The following NDUFV2 variants were observed in gnomAD, a reference collection of about 807,000 sequenced individuals.
NDUFV2 encodes NADH:ubiquinone oxidoreductase core subunit V2.
In NDUFV2, 18 loss-of-function variants were observed where a neutral mutation model predicts 31.6. The observed-to-expected ratio is 0.57, with a 90% CI of 0.39 to 0.84. The LOEUF is 0.84. Ranked by LOEUF, NDUFV2 falls within the 40% of genes least tolerant of loss-of-function variation. The pLI, the probability that NDUFV2 is intolerant of heterozygous loss-of-function variation, is 0.00. For missense variants in NDUFV2, 314 were observed against 303.6 expected (o/e 1.03, Z -0.26); for synonymous variants, 83 against 99.8 (o/e 0.83, Z 1.01).
intron 1 of NDUFV2, among the ~76,000 whole-genome samples, chr18:9,114,752 T>G (rs2077889705): frequency 6.6e-6 from 1 of 152,210 alleles, no homozygotes; most frequent in Non-Finnish European, 1.5e-5. Flanking sequence ...CTGACCCTTC[T>G]CAATCAGTAG....
intron 1 of NDUFV2, among the ~76,000 whole-genome samples, chr18:9,106,617 G>A (rs958079284): frequency 9.9e-5 from 15 of 152,252 alleles, no homozygotes; most frequent in African/African-American, 3.6e-4. Flanking sequence ...AGAAGTTAAT[G>A]TAGGAAAAAC....
intron 7 of NDUFV2, chr18:9,133,261 C>A (rs940417430): frequency 1.3e-5 from 2 of 152,230 alleles, no homozygotes; most frequent in African/African-American, 4.8e-5. Flanking sequence ...CAAGTTCTTT[C>A]TTTAGGTAAA....
chr18:9,128,833 C>T (rs2078014904), intron 7 of NDUFV2, among the ~76,000 whole-genome samples: 1 of 152,182 alleles, frequency 6.6e-6, no homozygotes, highest in Non-Finnish European at 1.5e-5. Context: ...ATCTCAAGTG[C>T]AGATTTCCTT....
chr18:9,120,479 T>C (rs935867629), intron 4 of NDUFV2, among the ~76,000 whole-genome samples: 4 of 152,208 alleles, frequency 2.6e-5, no homozygotes, highest in Non-Finnish European at 5.9e-5. Flanking sequence ...CTTGACTGAC[T>C]ATAACAGAGA....
chr18:9,124,549 C>T (rs1346581331), intron 5 of NDUFV2, among the ~76,000 whole-genome samples: 1 of 150,702 alleles, frequency 6.6e-6, no homozygotes, highest in East Asian at 2.0e-4. Flanking sequence ...CCTGGGTTCA[C>T]GCCACTCTCC....
chr18:9,124,999 A>G lies in NDUFV2; in HGVS notation c.579+16A>G, dbSNP rs746476565. On this transcript the variant is annotated intron_variant, in intron 6 of 7. Coordinates refer to ENST00000318388, the MANE Select transcript of NDUFV2 (RefSeq NM_021074.5). ...CAATTACTATGTGAGTATTTCAGGT[A>G]ATACAAGTTAAAGTTGTATGATGTC... 5.3e-5 allele frequency: 85 copies of G among 1,611,256 alleles called. No homozygotes were observed. The highest frequency in any genetic ancestry group is 7.0e-5 in the Non-Finnish European group (82 of 1,177,998).
intron 7 of NDUFV2, chr18:9,132,478 T>G (rs540917847): frequency 6.6e-6 from 1 of 152,354 alleles, no homozygotes; most frequent in African/African-American, 2.4e-5. Flanking sequence ...AAGAGGTAGC[T>G]GAGCTTAAAC....
At chr18:9,133,709 T>C (rs2078060238) in intron 7 of NDUFV2, among the ~76,000 whole-genome samples, 2 of 152,226 alleles carry the variant, frequency 1.3e-5, no homozygotes. Flanking sequence ...TGGATCTTGA[T>C]CTAAATAAAA....
At chr18:9,122,407 T>C in intron 4 of NDUFV2, 106 bp from the exon 5 acceptor site, 1 of 1,096,722 alleles carries the variant, frequency 9.1e-7, no homozygotes, top group Non-Finnish European at 1.4e-6. Context: ...AACTTTTCTG[T>C]TTTTACCAAA....
At chr18:9,133,473 G>C (rs953009647) in intron 7 of NDUFV2, 1 of 152,254 alleles carries the variant, frequency 6.6e-6, no homozygotes, top group Non-Finnish European at 1.5e-5. Flanking sequence ...ATCAGGACTT[G>C]TTCTTGTTTG....
intron 1 of NDUFV2, among the ~76,000 whole-genome samples, chr18:9,116,901 G>T (rs1383843544): frequency 2.6e-5 from 4 of 152,132 alleles, no homozygotes; most frequent in Non-Finnish European, 5.9e-5. Flanking sequence ...CTTGGGGGCG[G>T]GGGACAGGGT....
At chr18:9,128,956 G>A (rs1288589022) in intron 7 of NDUFV2, among the ~76,000 whole-genome samples, 4 of 152,004 alleles carry the variant, frequency 2.6e-5, no homozygotes, top group Admixed American at 6.6e-5. Context: ...CCCCTCACCC[G>A]AGATGGAGTC....
intron 7 of NDUFV2, among the ~76,000 whole-genome samples, chr18:9,132,735 C>T (rs2078050821): frequency 6.6e-6 from 1 of 152,116 alleles, no homozygotes; most frequent in South Asian, 2.1e-4. Context: ...ATTAGCCAGG[C>T]ATGGTGACGC....
intron 1 of NDUFV2, among the ~76,000 whole-genome samples, chr18:9,109,488 GAAC>G (rs1163847634): frequency 1.3e-5 from 2 of 152,134 alleles, no homozygotes; most frequent in African/African-American, 2.4e-5. Context: ...AGTATTGTTT[GAAC>G]AACAGAAGAA....
At chr18:9,131,158 TAATG>T (rs2078037237) in intron 7 of NDUFV2, among the ~76,000 whole-genome samples, 1 of 152,208 alleles carries the variant, frequency 6.6e-6, no homozygotes, top group African/African-American at 2.4e-5. Flanking sequence ...ATTAAAATCA[TAATG>T]AAAATATATT....
chr18:9,131,167 T>C (rs1311095172), intron 7 of NDUFV2, among the ~76,000 whole-genome samples: 1 of 152,146 alleles, frequency 6.6e-6, no homozygotes. Context: ...ATAATGAAAA[T>C]ATATTTACTC....
rs1460110886 is a variant in NDUFV2 at position 9,124,850 on chromosome 18, T to C, written c.470-24T>C. On this transcript the variant is annotated intron_variant, in intron 5 of 7. Coordinates refer to ENST00000318388, the MANE Select transcript of NDUFV2 (RefSeq NM_021074.5). ...GACTATTAAAATATAACCTGGTCCT[T>C]AGAGTGTTTATTTGTATTTTTAGGA... 3 of 1,603,462 alleles carry C rather than the reference T, an allele frequency of 1.9e-6. No individual in the cohort carries two copies. The African/African-American group carries it at 4.0e-5, about 21-fold the overall frequency.
intron 1 of NDUFV2, chr18:9,104,873 A>C: frequency 6.9e-7 from 1 of 1,451,746 alleles, no homozygotes; most frequent in South Asian, 1.4e-5. Flanking sequence ...AGCTCAAAAA[A>C]TAAAAATCAT....
rs139650842 is a variant in NDUFV2, at chr18:9,102,714, G to A, written c.-30G>A. The A allele has an allele frequency of 1.3e-6, 2 of 1,572,770 alleles. No homozygotes were observed. Among genetic ancestry groups the A allele is most frequent in the Non-Finnish European group, 1.7e-6 (2 of 1,162,332 alleles). ...CGCGCTCGGGATTCTCGCCTGGCGCGGCTGGGGAAGGTGAACAGTGTGGCC... is the reference window on the plus strand; with the variant it reads ...CGCGCTCGGGATTCTCGCCTGGCGCAGCTGGGGAAGGTGAACAGTGTGGCC... On this transcript the variant is annotated 5_prime_UTR_variant, in exon 1 of 8. Transcript: ENST00000318388.
Sources: gnomAD v4.1 joint callset for allele counts (sites outside exome capture counted in the v4.1 genomes callset) on GRCh38, gnomAD v4.1.1 for gene constraint, MANE v1.5 for transcripts, NCBI Gene and HGNC (gene_info 2026-07-23, HGNC 2026-07-21) for gene names.